KCNT2: variants seen among roughly 807,000 people sequenced by gnomAD.
KCNT2 encodes the protein potassium sodium-activated channel subfamily T member 2.
In KCNT2, 67 loss-of-function variants were observed where a neutral mutation model predicts 153.8. The ratio of observed to expected loss-of-function variants is 0.44; its 90% CI spans 0.36 to 0.53. The LOEUF is 0.53. Ranked by LOEUF, KCNT2 falls within the 20% of genes least tolerant of loss-of-function variation. The pLI is 0.00. For synonymous variants in KCNT2, 500 were observed against 458.8 expected (o/e 1.09, Z -1.15); for missense variants, 975 against 1,354.8 (o/e 0.72, Z 4.40).
In KCNT2 at chr1:196,468,971, T is replaced by C. The variant is rs372441074; in HGVS notation, c.459+23A>G. ...TTAAGTCTAATTACAAAAGTGTTTT[T>C]TTAAGGTTCTTTTAGGACTTACTGA... On this transcript the variant is annotated intron_variant, in intron 6 of 27. Transcript: ENST00000294725. 2.7e-4 allele frequency: 397 copies of C among 1,471,820 alleles called. 2 individuals are homozygous for C. Among genetic ancestry groups the C allele is most frequent in the Non-Finnish European group, 3.5e-4 (366 of 1,059,898 alleles). 91.2% of individuals were successfully genotyped at this position (1,471,820 alleles called of 1,614,324 possible).
At chr1:196,432,338 C>A (rs1674237004) in intron 8 of KCNT2, among the ~76,000 whole-genome samples, 1 of 152,084 alleles carries the variant, frequency 6.6e-6, no homozygotes, top group South Asian at 2.1e-4. Context: ...AGAGCAATGC[C>A]TGGTGGAGCC....
intron 1 of KCNT2, among the ~76,000 whole-genome samples, chr1:196,535,692 A>T (rs1439957264): frequency 6.6e-6 from 1 of 152,188 alleles, no homozygotes; most frequent in Non-Finnish European, 1.5e-5. Context: ...GAGGAATCAT[A>T]GACAGTTTCA....
At chr1:196,280,760 C>A (rs1438053601) in intron 25 of KCNT2, 100 bp downstream of exon 25, 2 of 1,167,138 alleles carry the variant, frequency 1.7e-6, no homozygotes, top group African/African-American at 1.6e-5. Context: ...CATTCTTTTT[C>A]ACTTTCTCTT....
chr1:196,409,058 C>T (rs1474574880), intron 12 of KCNT2, among the ~76,000 whole-genome samples: 2 of 149,646 alleles, frequency 1.3e-5, no homozygotes, highest in Non-Finnish European at 3.0e-5. Flanking sequence ...ATGAAGCACA[C>T]ACACACATTT....
chr1:196,515,636 A>G (rs1337999715), intron 1 of KCNT2, among the ~76,000 whole-genome samples: 5 of 152,200 alleles, frequency 3.3e-5, no homozygotes, highest in African/African-American at 9.6e-5. Flanking sequence ...AACGACAACA[A>G]TAAGAGTAAG....
intron 26 of KCNT2, among the ~76,000 whole-genome samples, chr1:196,252,995 A>G (rs1031722040): frequency 2.0e-5 from 3 of 151,116 alleles, no homozygotes; most frequent in Admixed American, 6.6e-5. Flanking sequence ...GCAGTTTTGT[A>G]TATTGTTTCT....
At chr1:196,588,079 T>A (rs1156639095) in intron 1 of KCNT2, among the ~76,000 whole-genome samples, 1 of 152,048 alleles carries the variant, frequency 6.6e-6, no homozygotes, top group South Asian at 2.1e-4. Context: ...AAGGGGCAAA[T>A]TCTCTTTTAT....
At chr1:196,308,871 T>G (rs1009407968) in intron 21 of KCNT2, among the ~76,000 whole-genome samples, 1 of 152,026 alleles carries the variant, frequency 6.6e-6, no homozygotes, top group African/African-American at 2.4e-5. Flanking sequence ...AAAAATCAAC[T>G]CTTTTAAAAA....
At chr1:196,560,004 T>C (rs1659170476) in intron 1 of KCNT2, among the ~76,000 whole-genome samples, 1 of 151,930 alleles carries the variant, frequency 6.6e-6, no homozygotes, top group East Asian at 1.9e-4. Flanking sequence ...TGTTATTTGA[T>C]AAATATTCTA....
chr1:196,230,372 T>G (rs1653842802), intron 27 of KCNT2, among the ~76,000 whole-genome samples: 1 of 151,932 alleles, frequency 6.6e-6, no homozygotes, highest in Non-Finnish European at 1.5e-5. Context: ...GGCCCATTGT[T>G]GAGACTTAAC....
rs544704938 is a variant in KCNT2, at chr1:196,462,888, A to G, written c.638+2405T>C. Among the ~76,000 whole-genome samples the G allele has an allele frequency of 1.9e-4, 29 of 151,792 alleles. No individual in the cohort carries two copies. In the South Asian group the frequency reaches 5.4e-3, roughly 28 times the overall value. On this transcript the variant is annotated intron_variant, in intron 8 of 27. Coordinates refer to ENST00000294725, the MANE Select transcript of KCNT2 (RefSeq NM_198503.5). ...GTGATAGTATGATATTCAGCTGGAT[A>G]TACTACTACCCAGCTAGACAATGTT...
intron 1 of KCNT2, among the ~76,000 whole-genome samples, chr1:196,597,261 C>T (rs963522592): frequency 4.9e-5 from 7 of 143,082 alleles, no homozygotes; most frequent in Non-Finnish European, 8.8e-5. Context: ...ATCAAAGCCA[C>T]CTACACTAAA....
Position 196,469,072 on chromosome 1 carries a change from C to T in KCNT2, c.385-4G>A. The T allele has an allele frequency of 6.4e-7, 1 of 1,573,774 alleles. No individual in the cohort carries two copies. Among genetic ancestry groups the T allele is most frequent in the South Asian group, 1.1e-5 (1 of 88,048 alleles). On this transcript the variant is annotated splice_polypyrimidine_tract_variant and splice_region_variant and intron_variant, in intron 5 of 27. Transcript: ENST00000294725. ...AAATCTGTTCCCAGATGTTTCCCTT[C>T]CAAGAAAGAATGAATAAAAACGAAA...
intron 1 of KCNT2, among the ~76,000 whole-genome samples, chr1:196,507,110 TC>T (rs1282343442): frequency 5.9e-5 from 9 of 152,146 alleles, no homozygotes; most frequent in African/African-American, 1.4e-4. Flanking sequence ...TATGCATATG[TC>T]AAAGAATACA....
intron 1 of KCNT2, among the ~76,000 whole-genome samples, chr1:196,542,959 T>A (rs557205019): frequency 6.6e-6 from 1 of 152,142 alleles, no homozygotes; most frequent in African/African-American, 2.4e-5. Flanking sequence ...AGGATACAAG[T>A]CAACTACAGA....
At chr1:196,267,948 C>T (rs1657706342) in intron 25 of KCNT2, among the ~76,000 whole-genome samples, 1 of 152,114 alleles carries the variant, frequency 6.6e-6, no homozygotes, top group Non-Finnish European at 1.5e-5. Flanking sequence ...ACCTAGGGAG[C>T]CCCTTGGGAT....
intron 12 of KCNT2, among the ~76,000 whole-genome samples, chr1:196,421,992 A>C (rs1319041960): frequency 6.6e-6 from 1 of 152,048 alleles, no homozygotes; most frequent in South Asian, 2.1e-4. Context: ...TCTCATTATA[A>C]ATTTATTACT....
chr1:196,248,239 A>T (rs947313991), intron 26 of KCNT2, among the ~76,000 whole-genome samples: 7 of 152,114 alleles, frequency 4.6e-5, no homozygotes, highest in Non-Finnish European at 1.0e-4. Context: ...ATCTTAAAGC[A>T]CTAGAAAGGC....
intron 18 of KCNT2, 69 bp downstream of exon 18, chr1:196,331,083 ATTAC>A: frequency 1.2e-6 from 1 of 822,150 alleles, no homozygotes; most frequent in African/African-American, 1.7e-5. Flanking sequence ...TGCTGTACAA[ATTAC>A]TTAAATTATG....
Sources: allele counts gnomAD v4.1 joint callset (sites outside exome capture counted in the v4.1 genomes callset), GRCh38; gene constraint gnomAD v4.1.1; transcripts MANE v1.5; gene names NCBI Gene and HGNC (gene_info 2026-07-23, HGNC 2026-07-21).